Variants in ING3 observed in about 807,000 individuals in gnomAD.
ING3 encodes inhibitor of growth protein 3.
A neutral mutation model predicts 64.8 loss-of-function variants in ING3; 6 were observed. That is an observed-to-expected ratio of 0.09 (90% CI 0.05 to 0.18). ING3 has a LOEUF of 0.18. ING3 is among the 10% of genes least tolerant of loss of function. The probability of loss-of-function intolerance (pLI) is 1.00; values close to 1 mark genes in which losing one functional copy is unlikely to be tolerated. For synonymous variants in ING3, 170 were observed against 173.7 expected (o/e 0.98, Z 0.17); for missense variants, 310 against 489.7 (o/e 0.63, Z 3.46).
intron 10 of ING3, among the ~76,000 whole-genome samples, chr7:120,971,756 T>A (rs1023516688): frequency 1.3e-5 from 2 of 152,218 alleles, no homozygotes; most frequent in East Asian, 3.8e-4. Context: ...AGGCATTTTT[T>A]AAATGTAATC....
At chr7:120,958,580 A>G (rs1159020890) in intron 4 of ING3, among the ~76,000 whole-genome samples, 1 of 152,130 alleles carries the variant, frequency 6.6e-6, no homozygotes, top group Admixed American at 6.5e-5. Flanking sequence ...GCCCTTTCCT[A>G]TTCAATCAAG....
Position 120,973,245 on chromosome 7 carries a change from TA to T in ING3, c.1140+4del. 3 of 1,525,354 alleles carry T rather than the reference TA, an allele frequency of 2.0e-6. No individual in the cohort carries two copies. Among genetic ancestry groups the T allele is most frequent in the Non-Finnish European group, 2.7e-6 (3 of 1,103,462 alleles). 94.5% of individuals were successfully genotyped at this position (1,525,354 alleles called of 1,614,324 possible). On this transcript the variant is annotated splice_donor_region_variant and intron_variant, in intron 11 of 11. Transcript: ENST00000315870. ...ATGGTGGGATGTGATAACCAAGATG[TA>T]AGTATTACATTTTTCTATTTAGGAA... is the stretch of plus-strand genomic sequence containing the variant.
intron 2 of ING3, among the ~76,000 whole-genome samples, 166 bp downstream of exon 2, chr7:120,951,401 T>C (rs1331565623): frequency 1.3e-5 from 2 of 152,136 alleles, no homozygotes; most frequent in Non-Finnish European, 2.9e-5. Context: ...GCCTTCCCCT[T>C]CCCTCCCATG....
rs898442359 is a variant in ING3, at chr7:120,967,517, A to G, written c.437-12A>G. On this transcript the variant is annotated splice_polypyrimidine_tract_variant and intron_variant, in intron 6 of 11. Transcript: ENST00000315870. ...AAGTTTAAAAACACATGAATTTTTTATTTATATTTAGAAAGGAAATATAAT... is the reference window on the plus strand; with the variant it reads ...AAGTTTAAAAACACATGAATTTTTTGTTTATATTTAGAAAGGAAATATAAT... 6 of 1,503,188 alleles carry G rather than the reference A, an allele frequency of 4.0e-6. No homozygotes were observed. In the East Asian group the frequency reaches 1.1e-4, roughly 28 times the overall value. 93.1% of individuals were successfully genotyped at this position (1,503,188 alleles called of 1,614,324 possible).
intron 10 of ING3, among the ~76,000 whole-genome samples, chr7:120,972,582 C>G (rs1796083043): frequency 6.6e-6 from 1 of 152,028 alleles, no homozygotes; most frequent in African/African-American, 2.4e-5. Flanking sequence ...TAAGAGCCCC[C>G]AAAAACTTGA....
chr7:120,955,743 G>A (rs1795837046), intron 4 of ING3, 119 bp downstream of exon 4: 1 of 686,122 alleles, frequency 1.5e-6, no homozygotes, highest in African/African-American at 1.8e-5. Flanking sequence ...TTGCTCTCTT[G>A]ATCACATCTA....
intron 4 of ING3, among the ~76,000 whole-genome samples, chr7:120,961,390 C>T (rs1219742987): frequency 6.6e-6 from 1 of 152,088 alleles, no homozygotes; most frequent in Non-Finnish European, 1.5e-5. Flanking sequence ...TCTATTTCAA[C>T]TTAGAATGTA....
chr7:120,956,019 C>CT, intron 4 of ING3: 1 of 664,834 alleles, frequency 1.5e-6, no homozygotes, highest in Non-Finnish European at 2.7e-6. Flanking sequence ...GACAAGAGTT[C>CT]TTGGTAGTCT....
chr7:120,971,986 A>G (rs1312948878), intron 10 of ING3, among the ~76,000 whole-genome samples: 1 of 152,140 alleles, frequency 6.6e-6, no homozygotes, highest in Admixed American at 6.5e-5. Context: ...CACTAGTATT[A>G]TTGAAGTTGG....
intron 5 of ING3, among the ~76,000 whole-genome samples, chr7:120,966,411 A>G (rs548660042): frequency 1.3e-5 from 2 of 152,296 alleles, no homozygotes; most frequent in East Asian, 1.9e-4. Context: ...TAATATTGGG[A>G]AAAGGATAAC....
At chr7:120,965,832 C>A (rs1294512050) in intron 5 of ING3, among the ~76,000 whole-genome samples, 1 of 152,052 alleles carries the variant, frequency 6.6e-6, no homozygotes, top group Admixed American at 6.6e-5. Context: ...TCTGGAGGAA[C>A]CCTATATAAA....
intron 8 of ING3, 57 bp downstream of exon 8, chr7:120,968,148 C>G (rs1796021596): frequency 6.8e-7 from 1 of 1,480,658 alleles, no homozygotes; most frequent in Non-Finnish European, 9.2e-7. Flanking sequence ...TCATTGGAAA[C>G]CTAATAGAAA....
At chr7:120,968,160 A>C in intron 8 of ING3, 69 bp downstream of exon 8, 1 of 1,367,310 alleles carries the variant, frequency 7.3e-7, no homozygotes, top group Non-Finnish European at 1.0e-6. Context: ...TAATAGAAAT[A>C]ACGGGATGTG....
rs762429987 is a variant in ING3 at position 120,977,149 on chromosome 7, T to TGGA, written c.*2307_*2309dup. 3 of 152,242 alleles carry TGGA rather than the reference T, an allele frequency of 2.0e-5. No individual in the cohort carries two copies. The highest frequency in any genetic ancestry group is 4.4e-5 in the Non-Finnish European group (3 of 68,038). The allele number at this position is 152,242 out of a possible 1,614,324, so 9.4% of individuals were successfully genotyped here. A position where few individuals can be genotyped will look rare whatever the true frequency, so the allele number is the denominator to read the frequency against. On this transcript the variant is annotated 3_prime_UTR_variant, in exon 12 of 12. Coordinates refer to ENST00000315870, the MANE Select transcript of ING3 (RefSeq NM_019071.3). ...GGTGAAAATTGAGGCCTTACTGCTA[T>TGGA]GGAGTGTATATCAAAATGTTCATGG...
Position 120,969,004 on chromosome 7 carries a change from A to G in ING3, c.715-7A>G. The G allele has an allele frequency of 6.3e-7, 1 of 1,592,204 alleles. No individual in the cohort carries two copies. Among genetic ancestry groups the G allele is most frequent in the Non-Finnish European group, 8.6e-7 (1 of 1,163,016 alleles). On this transcript the variant is annotated splice_polypyrimidine_tract_variant and splice_region_variant and intron_variant, in intron 8 of 11. Coordinates refer to ENST00000315870, the MANE Select transcript of ING3 (RefSeq NM_019071.3). Reference sequence around the variant, plus strand: ...ATATTGATGCTATCAATGAATGTCTATTTAAGATGAAGGAGGGACGAAGAA... The same window carrying G: ...ATATTGATGCTATCAATGAATGTCTGTTTAAGATGAAGGAGGGACGAAGAA...
At chr7:120,961,167 T>G (rs891740020) in intron 4 of ING3, among the ~76,000 whole-genome samples, 13 of 152,176 alleles carry the variant, frequency 8.5e-5, no homozygotes, top group African/African-American at 3.1e-4. Context: ...TTAGACAGAG[T>G]TATATGCTAA....
Position 120,974,990 on chromosome 7 carries a change from A to C in ING3, c.*146A>C, listed in dbSNP as rs186029402. On this transcript the variant is annotated 3_prime_UTR_variant, in exon 12 of 12. Transcript: ENST00000315870. ...CATAGACAATCCTATAAGATCTTGA[A>C]CTTGAATTTTATGGGTTGTATTTTA... 65 of 487,370 alleles carry C rather than the reference A, an allele frequency of 1.3e-4. 2 individuals are homozygous for C. The Admixed American group carries it at 1.5e-3, about 12-fold the overall frequency. 30.2% of individuals were successfully genotyped at this position (487,370 alleles called of 1,614,324 possible). A position where few individuals can be genotyped will look rare whatever the true frequency, so the allele number is the denominator to read the frequency against.
At chr7:120,957,805 A>C (rs550765757) in intron 4 of ING3, among the ~76,000 whole-genome samples, 1 of 152,250 alleles carries the variant, frequency 6.6e-6, no homozygotes, top group Non-Finnish European at 1.5e-5. Flanking sequence ...GCAAGTGTCC[A>C]TAATGGATCC....
At chr7:120,963,176 A>G (rs527695343) in intron 4 of ING3, among the ~76,000 whole-genome samples, 14 of 152,254 alleles carry the variant, frequency 9.2e-5, no homozygotes, top group Admixed American at 8.5e-4. Flanking sequence ...CTATTATTGG[A>G]AAGGAAGTTC....
Sources: allele counts gnomAD v4.1 joint callset (sites outside exome capture counted in the v4.1 genomes callset), GRCh38; gene constraint gnomAD v4.1.1; transcripts MANE v1.5; gene names NCBI Gene and HGNC (gene_info 2026-07-23, HGNC 2026-07-21).